FUBP1: variants seen among roughly 807,000 people sequenced by gnomAD.
FUBP1 encodes far upstream element-binding protein 1.
A neutral mutation model predicts 94.9 loss-of-function variants in FUBP1; 16 were observed. The ratio of observed to expected loss-of-function variants is 0.17; its 90% CI spans 0.11 to 0.26. The LOEUF (loss-of-function observed/expected upper bound fraction) is 0.26. Ranked by LOEUF, FUBP1 falls within the 10% of genes least tolerant of loss-of-function variation. The probability of loss-of-function intolerance (pLI) is 1.00; values close to 1 mark genes in which losing one functional copy is unlikely to be tolerated. For synonymous variants in FUBP1, 279 were observed against 254.9 expected (o/e 1.09, Z -0.90); for missense variants, 583 against 808.6 (o/e 0.72, Z 3.38).
chr1:77,945,952 A>AT lies in FUBP1; in HGVS notation c.*2813dup, dbSNP rs1218061143. 1 of 207,438 alleles carries AT rather than the reference A, an allele frequency of 4.8e-6. No homozygotes were observed. The highest frequency in any genetic ancestry group is 9.8e-6 in the Non-Finnish European group (1 of 101,706). 12.8% of individuals were successfully genotyped at this position (207,438 alleles called of 1,614,324 possible). A position where few individuals can be genotyped will look rare whatever the true frequency, so the allele number is the denominator to read the frequency against. On this transcript the variant is annotated 3_prime_UTR_variant, in exon 20 of 20. Coordinates refer to ENST00000370768, the MANE Select transcript of FUBP1 (RefSeq NM_003902.5). ...TACAGTTAACATTTCACTGATGCAC[A>AT]TGCCTTTTATCAAAACATACTGCCT... is the stretch of plus-strand genomic sequence containing the variant.
intron 17 of FUBP1, among the ~76,000 whole-genome samples, chr1:77,956,139 T>C (rs996352870): frequency 1.1e-4 from 16 of 152,238 alleles, no homozygotes; most frequent in Non-Finnish European, 2.2e-4. Context: ...ATATCAATGT[T>C]GACTTACTGA....
rs1652530065 is a variant in FUBP1, at chr1:77,947,967, T to C, written c.*799A>G. The C allele has an allele frequency of 9.9e-7, 1 of 1,014,362 alleles. No homozygotes were observed. Among genetic ancestry groups the C allele is most frequent in the Non-Finnish European group, 1.2e-6 (1 of 834,486 alleles). 62.8% of individuals were successfully genotyped at this position (1,014,362 alleles called of 1,614,324 possible). ...AACTGTTCTTATTAGACTACTCATA[T>C]TCACTATCTGAAAACTGTTTAAAAT... On this transcript the variant is annotated 3_prime_UTR_variant, in exon 20 of 20. Coordinates refer to ENST00000370768, the MANE Select transcript of FUBP1 (RefSeq NM_003902.5).
intron 18 of FUBP1, among the ~76,000 whole-genome samples, chr1:77,949,665 G>A (rs955359690): frequency 6.6e-6 from 1 of 151,968 alleles, no homozygotes; most frequent in South Asian, 2.1e-4. Context: ...TAAAAAAACA[G>A]AATCAACCCC....
intron 17 of FUBP1, 93 bp from the exon 18 acceptor site, chr1:77,955,422 G>T (rs1422585792): frequency 1.4e-6 from 1 of 719,452 alleles, no homozygotes; most frequent in Non-Finnish European, 2.5e-6. Flanking sequence ...GCAGGGGCCT[G>T]CAATGTGACA....
intron 14 of FUBP1, 182 bp from the exon 15 acceptor site, chr1:77,960,677 A>G (rs760584224): frequency 6.0e-6 from 3 of 497,450 alleles, no homozygotes; most frequent in Non-Finnish European, 1.1e-5. Flanking sequence ...TGAGACATGT[A>G]AAATTCACTA....
chr1:77,963,857 AT>A, intron 12 of FUBP1, 142 bp from the exon 13 acceptor site: 1 of 728,088 alleles, frequency 1.4e-6, no homozygotes, highest in Non-Finnish European at 2.3e-6. Context: ...AAGTAATAAC[AT>A]TTTTTAAAAT....
chr1:77,964,742 G>A lies in FUBP1; in HGVS notation c.741C>T (p.Ala247=), dbSNP rs1656155036. The A allele has an allele frequency of 1.2e-6, 2 of 1,609,520 alleles. No individual in the cohort carries two copies. Among genetic ancestry groups the A allele is most frequent in the African/African-American group, 2.7e-5 (2 of 74,750 alleles). The change falls in exon 10 of 20, where the codon GCC becomes GCT. Residue 247 remains alanine (A), a synonymous_variant. Coordinates refer to ENST00000370768, the MANE Select transcript of FUBP1 (RefSeq NM_003902.5). ...ITGDPYKVQQ[A]KEMVLELIRD... is the part of the protein sequence containing the mutation. ...GAATTAACTCTAACACCATTTCCTT[G>A]GCTTGCTAAAGCAGAAAAAGTTAGC...
rs1304447032 is a variant in FUBP1 at position 77,949,936 on chromosome 1, G to A, written c.1781-636C>T. The stretch of plus-strand genomic sequence containing the variant: ...ATGTTATTAAAAGTAACCTGACAAG[G>A]AATAAAGAACAAGATCAATGAAAAC... On this transcript the variant is annotated intron_variant, in intron 18 of 19. Coordinates refer to ENST00000370768, the MANE Select transcript of FUBP1 (RefSeq NM_003902.5). Among the ~76,000 whole-genome samples, 8 of 152,108 alleles carry A rather than the reference G, an allele frequency of 5.3e-5. No homozygotes were observed. The East Asian group carries it at 1.5e-3, about 29-fold the overall frequency.
At chr1:77,954,581 A>G (rs1654098960) in intron 18 of FUBP1, among the ~76,000 whole-genome samples, 1 of 152,228 alleles carries the variant, frequency 6.6e-6, no homozygotes, top group Admixed American at 6.5e-5. Context: ...CAAAGAAAAC[A>G]TTGAAAATCC....
chr1:77,971,584 CAT>C (rs2102471664), intron 1 of FUBP1, among the ~76,000 whole-genome samples: 1 of 152,186 alleles, frequency 6.6e-6, no homozygotes, highest in South Asian at 2.1e-4. Flanking sequence ...AGTCTAATTA[CAT>C]ATCAGTTCCC....
chr1:77,967,038 A>C lies in FUBP1; in HGVS notation c.343+11T>G. ...TCATGTTTTCAAAACTTTAAAAATC[A>C]AGTTACTTACTGAATCCAACCATTC... is the stretch of plus-strand genomic sequence containing the variant. On this transcript the variant is annotated intron_variant, in intron 5 of 19. Transcript: ENST00000370768. 2 of 1,572,180 alleles carry C rather than the reference A, an allele frequency of 1.3e-6. No individual in the cohort carries two copies. Among genetic ancestry groups the C allele is most frequent in the South Asian group, 1.1e-5 (1 of 88,822 alleles).
chr1:77,972,427 T>C (rs1408730809), intron 1 of FUBP1, among the ~76,000 whole-genome samples: 1 of 151,992 alleles, frequency 6.6e-6, no homozygotes, highest in Non-Finnish European at 1.5e-5. Context: ...ACCCACTGAA[T>C]AGTTCAAAAA....
chr1:77,963,672 C>A lies in FUBP1; in HGVS notation c.1085G>T (p.Gly362Val), dbSNP rs958512239. The change falls in exon 13 of 20, where the codon GGT (glycine) becomes GTT (valine). Residue 362 changes from glycine (G) to valine (V), a missense_variant. By Grantham distance (109) the Gly-to-Val change is moderately radical (BLOSUM62 -3). Transcript: ENST00000370768. ...GGPGPGGRGR[G>V]RGQGNWNMGP... The stretch of plus-strand genomic sequence containing the variant: ...CATGTTCCAGTTGCCTTGACCTCTA[C>A]CTCTTCCTCGACCACCAGGTCCAGG... The A allele has an allele frequency of 6.2e-7, 1 of 1,611,144 alleles. No individual in the cohort carries two copies. Among genetic ancestry groups the A allele is most frequent in the African/African-American group, 1.3e-5 (1 of 74,850 alleles).
At chr1:77,969,222 C>T (rs1657060036) in intron 2 of FUBP1, 1 of 265,256 alleles carries the variant, frequency 3.8e-6, no homozygotes, top group East Asian at 1.0e-4. Flanking sequence ...TGGTCAAAAG[C>T]TACAAATACA....
intron 1 of FUBP1, among the ~76,000 whole-genome samples, chr1:77,971,510 G>C (rs530325758): frequency 9.3e-4 from 142 of 152,114 alleles, no homozygotes; most frequent in Middle Eastern, 3.4e-3. Context: ...AACTTCATCA[G>C]ACAACTGGAG....
chr1:77,958,053 A>T (rs907002297), intron 16 of FUBP1, among the ~76,000 whole-genome samples: 2 of 152,154 alleles, frequency 1.3e-5, no homozygotes, highest in African/African-American at 4.8e-5. Context: ...CAGCCTTCCG[A>T]AGTGCTAGCG....
In FUBP1 at chr1:77,948,651, C is replaced by G; in HGVS notation, c.*115G>C. On this transcript the variant is annotated 3_prime_UTR_variant, in exon 20 of 20. Coordinates refer to ENST00000370768, the MANE Select transcript of FUBP1 (RefSeq NM_003902.5). ...AAAAAAAAAAAAAAAAAAGGAAACA[C>G]TATTTTAAACCAAAAACAAAATTAA... The G allele has an allele frequency of 8.0e-7, 1 of 1,248,944 alleles. No individual in the cohort carries two copies. Among genetic ancestry groups the G allele is most frequent in the Non-Finnish European group, 1.1e-6 (1 of 946,524 alleles). 77.4% of individuals were successfully genotyped at this position (1,248,944 alleles called of 1,614,324 possible).
At chr1:77,967,259 T>G (rs913701327) in intron 4 of FUBP1, among the ~76,000 whole-genome samples, 158 bp from the exon 5 acceptor site, 4 of 152,308 alleles carry the variant, frequency 2.6e-5, no homozygotes, top group African/African-American at 9.6e-5. Flanking sequence ...ATCTTATTAC[T>G]TGAGTAGTTA....
intron 2 of FUBP1, among the ~76,000 whole-genome samples, chr1:77,968,669 CACA>C (rs1459604143): frequency 2.0e-5 from 3 of 151,550 alleles, no homozygotes; most frequent in African/African-American, 2.4e-5. Flanking sequence ...AAAAACCCCC[CACA>C]ACATTACAAG....
Sources: allele counts gnomAD v4.1 joint callset (sites outside exome capture counted in the v4.1 genomes callset), GRCh38; gene constraint gnomAD v4.1.1; transcripts MANE v1.5; gene names NCBI Gene and HGNC (gene_info 2026-07-23, HGNC 2026-07-21).